Variants in PYY observed in about 807,000 individuals in gnomAD.
The protein encoded by PYY is peptide YY, also known as peptide tyrosine tyrosine.
In PYY, 12 loss-of-function variants were observed where a neutral mutation model predicts 10.3. The observed-to-expected ratio is 1.17, with a 90% CI of 0.75 to 1.89. The LOEUF (loss-of-function observed/expected upper bound fraction) is 1.89, where lower values mean the gene tolerates loss of function less well. PYY is among the 40% of genes most tolerant of loss of function. The pLI, the probability that PYY is intolerant of heterozygous loss-of-function variation, is 0.00. For synonymous variants in PYY, 66 were observed against 62.0 expected (o/e 1.06, Z -0.30); for missense variants, 141 against 134.0 (o/e 1.05, Z -0.26).
At chr17:43,964,167 A>G (rs2048738770) in intron 2 of PYY, among the ~76,000 whole-genome samples, 1 of 152,196 alleles carries the variant, frequency 6.6e-6, no homozygotes, top group South Asian at 2.1e-4. Flanking sequence ...CACCACATCT[A>G]GCTAATTTTA....
chr17:43,964,062 G>C (rs539467396), intron 2 of PYY, among the ~76,000 whole-genome samples: 1 of 151,480 alleles, frequency 6.6e-6, no homozygotes, highest in South Asian at 2.1e-4. Context: ...CTTTTTTTTG[G>C]GGCAGTGTGA....
At chr17:43,999,667 A>C (rs2049012894) in intron 1 of PYY, among the ~76,000 whole-genome samples, 2 of 151,782 alleles carry the variant, frequency 1.3e-5, no homozygotes, top group Non-Finnish European at 2.9e-5. Context: ...ACTCGGGAGG[A>C]TGAGGCAGAA....
At chr17:43,992,312 G>A (rs2048962612) in intron 1 of PYY, among the ~76,000 whole-genome samples, 1 of 152,022 alleles carries the variant, frequency 6.6e-6, no homozygotes, top group Non-Finnish European at 1.5e-5. Context: ...CAGGCACGGT[G>A]GATCATGCCT....
intron 1 of PYY, among the ~76,000 whole-genome samples, chr17:43,993,685 A>G (rs1049845792): frequency 6.6e-6 from 1 of 152,080 alleles, no homozygotes; most frequent in African/African-American, 2.4e-5. Flanking sequence ...TTAATTCTAT[A>G]TACACAATAA....
chr17:43,989,165 G>A (rs1193460669), intron 1 of PYY, among the ~76,000 whole-genome samples: 1 of 151,910 alleles, frequency 6.6e-6, no homozygotes, highest in Non-Finnish European at 1.5e-5. Context: ...ACGAGGTCAG[G>A]AGATCAAGAC....
intron 1 of PYY, among the ~76,000 whole-genome samples, chr17:43,985,031 C>T (rs2048907301): frequency 6.6e-6 from 1 of 152,028 alleles, no homozygotes; most frequent in South Asian, 2.1e-4. Context: ...AATTTGACGA[C>T]ATTAAAATGT....
intron 1 of PYY, among the ~76,000 whole-genome samples, chr17:43,971,670 T>C (rs2048794745): frequency 6.9e-6 from 1 of 144,978 alleles, no homozygotes. Context: ...GTGCAGTGTC[T>C]GTTCATGTGG....
At chr17:43,983,782 C>T (rs1182090158) in intron 1 of PYY, among the ~76,000 whole-genome samples, 1 of 152,228 alleles carries the variant, frequency 6.6e-6, no homozygotes, top group Non-Finnish European at 1.5e-5. Flanking sequence ...CAGTCCCATG[C>T]CCCGACCCCG....
intron 1 of PYY, among the ~76,000 whole-genome samples, chr17:43,984,309 C>T (rs540568513): frequency 6.6e-6 from 1 of 152,228 alleles, no homozygotes; most frequent in Admixed American, 6.5e-5. Context: ...GCCCTCTACA[C>T]AGCCAGGGCC....
Position 43,994,659 on chromosome 17 carries a change from G to T in PYY, c.-463+9732C>A, listed in dbSNP as rs141731471. On this transcript the variant is annotated intron_variant, in intron 1 of 6. Transcript: ENST00000360085. Reference sequence around the variant, plus strand: ...GGATGCCTGAGCCCCCTCCTCCGTGGCTCAGCCTGAGGGGAGAACTCCCCA... The same window carrying T: ...GGATGCCTGAGCCCCCTCCTCCGTGTCTCAGCCTGAGGGGAGAACTCCCCA... Among the ~76,000 whole-genome samples, 3 of 152,282 alleles carry T rather than the reference G, an allele frequency of 2.0e-5. No individual in the cohort carries two copies. In the East Asian group the frequency reaches 5.8e-4, roughly 29 times the overall value.
upstream of PYY, among the ~76,000 whole-genome samples, chr17:43,957,196 CAAAAA>C (rs60997602): frequency 1.5e-5 from 1 of 66,608 alleles, no homozygotes; most frequent in East Asian, 4.6e-4. Flanking sequence ...AAACTGTCTC[CAAAAA>C]AAAAAAAAAA....
At chr17:43,972,093 T>A (rs1195160220) in intron 1 of PYY, among the ~76,000 whole-genome samples, 1 of 151,986 alleles carries the variant, frequency 6.6e-6, no homozygotes, top group Non-Finnish European at 1.5e-5. Context: ...TTATTGGGTC[T>A]AGGAATCTAT....
intron 1 of PYY, among the ~76,000 whole-genome samples, chr17:43,974,960 T>C (rs1183687766): frequency 1.3e-5 from 2 of 152,106 alleles, no homozygotes; most frequent in Non-Finnish European, 2.9e-5. Flanking sequence ...AGCCCTGTGG[T>C]GCAAAGCCGC....
intron 1 of PYY, among the ~76,000 whole-genome samples, chr17:43,983,692 C>T (rs2048897318): frequency 6.6e-6 from 1 of 152,334 alleles, no homozygotes; most frequent in African/African-American, 2.4e-5. Context: ...TCCCCGGGGC[C>T]GGGTCTTAGG....
At chr17:43,968,381 T>C (rs986586760) in intron 1 of PYY, among the ~76,000 whole-genome samples, 6 of 151,474 alleles carry the variant, frequency 4.0e-5, no homozygotes, top group Non-Finnish European at 7.4e-5. Context: ...TTCCAGAAAA[T>C]AGAACAAGAG....
intron 1 of PYY, among the ~76,000 whole-genome samples, chr17:43,972,724 T>C (rs1169738619): frequency 6.6e-6 from 1 of 151,846 alleles, no homozygotes; most frequent in Non-Finnish European, 1.5e-5. Context: ...TTTGGTTTTG[T>C]TTTGTTTTTT....
At chr17:43,953,084 G>A in intron 3 of PYY, 25 bp downstream of exon 3, 1 of 1,612,932 alleles carries the variant, frequency 6.2e-7, no homozygotes. Context: ...TCGGATGCAG[G>A]ATGTGTGGTA....
intron 1 of PYY, among the ~76,000 whole-genome samples, chr17:43,989,455 T>C (rs1372307092): frequency 1.3e-5 from 2 of 152,086 alleles, no homozygotes; most frequent in Non-Finnish European, 2.9e-5. Flanking sequence ...GCCATACTGC[T>C]TCCATAGCAG....
chr17:43,989,137 G>A (rs2048934308), intron 1 of PYY, among the ~76,000 whole-genome samples: 1 of 151,904 alleles, frequency 6.6e-6, no homozygotes, highest in South Asian at 2.1e-4. Flanking sequence ...GACTTCGGGA[G>A]GCCAAGGCGG....
Sources: allele counts gnomAD v4.1 joint callset (sites outside exome capture counted in the v4.1 genomes callset), GRCh38; gene constraint gnomAD v4.1.1; transcripts MANE v1.5; gene names NCBI Gene and HGNC (gene_info 2026-07-23, HGNC 2026-07-21).